The following PITPNB variants were observed in gnomAD, a reference collection of about 807,000 sequenced individuals.
PITPNB encodes the protein phosphatidylinositol transfer protein beta isoform.
Under a neutral mutation model 45.9 loss-of-function variants are expected in PITPNB, and 16 were observed. That is an observed-to-expected ratio of 0.35 (90% CI 0.24 to 0.53). PITPNB has a LOEUF of 0.53. PITPNB is among the 20% of genes least tolerant of loss of function. The pLI is 0.93. For synonymous variants in PITPNB, 112 were observed against 108.9 expected, an observed-to-expected ratio of 1.03 and a Z score of -0.18; for missense variants, 188 against 330.5, an observed-to-expected ratio of 0.57 and a Z score of 3.34.
intron 7 of PITPNB, 24 bp downstream of exon 7, chr22:27,894,531 T>C (rs745989777): frequency 8.2e-7 from 1 of 1,215,018 alleles, no homozygotes; most frequent in Non-Finnish European, 1.2e-6. Context: ...GGGAACAGAT[T>C]AAATGTCATT....
Position 27,853,524 on chromosome 22 carries a change from C to T in PITPNB, c.*178G>A, listed in dbSNP as rs1385597774. 13 of 976,888 alleles carry T rather than the reference C, an allele frequency of 1.3e-5. No homozygotes were observed. The highest frequency in any genetic ancestry group is 2.0e-4 in the Middle Eastern group (1 of 4,888). The allele number at this position is 976,888 out of a possible 1,614,324, so 60.5% of individuals were successfully genotyped here. A position where few individuals can be genotyped will look rare whatever the true frequency, so the allele number is the denominator to read the frequency against. The stretch of plus-strand genomic sequence containing the variant: ...ATATGCACACATACATATATACACA[C>T]GTGGTTGAGAACCTGTGCATGTGTG... On this transcript the variant is annotated 3_prime_UTR_variant, in exon 12 of 12. Coordinates refer to ENST00000335272, the MANE Select transcript of PITPNB (RefSeq NM_012399.5).
At chr22:27,917,300 CTG>C (rs1462167963) in intron 1 of PITPNB, among the ~76,000 whole-genome samples, 1 of 152,228 alleles carries the variant, frequency 6.6e-6, no homozygotes. Flanking sequence ...CTACTGAATA[CTG>C]TGTGTCTGTA....
intron 2 of PITPNB, among the ~76,000 whole-genome samples, chr22:27,913,196 C>CT (rs1935982161): frequency 6.6e-6 from 1 of 152,184 alleles, no homozygotes; most frequent in African/African-American, 2.4e-5. Context: ...CCTAGCTTCT[C>CT]TGGAGTGTTT....
At chr22:27,887,099 AT>A (rs200456922) in intron 7 of PITPNB, among the ~76,000 whole-genome samples, 2,568 of 152,268 alleles carry the variant, frequency 0.017, 38 homozygotes, top group African/African-American at 0.039. Context: ...AAATCATGAA[AT>A]TTTAAATTGG....
Position 27,859,144 on chromosome 22 carries a change from T to C in PITPNB, c.646-635A>G, listed in dbSNP as rs1450051680. ...GAACAGTAAGTACTTCTGGACAATA[T>C]TCAACTTAAAAATCTTCTTCCATGA... On this transcript the variant is annotated intron_variant, in intron 9 of 11. Coordinates refer to ENST00000335272, the MANE Select transcript of PITPNB (RefSeq NM_012399.5). Among the ~76,000 whole-genome samples, 5 of 152,302 alleles carry C rather than the reference T, an allele frequency of 3.3e-5. No individual in the cohort carries two copies. In the South Asian group the frequency reaches 1.0e-3, roughly 32 times the overall value.
At chr22:27,860,003 A>G (rs1403629691) in intron 9 of PITPNB, 128 bp downstream of exon 9, 1 of 597,960 alleles carries the variant, frequency 1.7e-6, no homozygotes, top group African/African-American at 1.8e-5. Context: ...GCTGAAATGA[A>G]TTATGTAGGG....
At chr22:27,881,427 A>C (rs1934969004) in intron 7 of PITPNB, among the ~76,000 whole-genome samples, 1 of 152,234 alleles carries the variant, frequency 6.6e-6, no homozygotes, top group Non-Finnish European at 1.5e-5. Flanking sequence ...CACACACCCT[A>C]GTGATAAGTA....
intron 11 of PITPNB, 70 bp from the exon 12 acceptor site, chr22:27,853,733 A>T (rs1934092172): frequency 1.9e-6 from 2 of 1,052,086 alleles, no homozygotes; most frequent in Middle Eastern, 2.0e-4. Context: ...GCAGCTCGTC[A>T]CACACACTCT....
At chr22:27,861,329 A>G (rs978462513) in intron 8 of PITPNB, among the ~76,000 whole-genome samples, 4 of 152,014 alleles carry the variant, frequency 2.6e-5, no homozygotes, top group African/African-American at 4.8e-5. Flanking sequence ...AGACATAAAT[A>G]AACTGGGGTG....
At position 27,853,138 on chromosome 22, in the gene PITPNB, A is replaced by C. The variant is rs2146340629; in HGVS notation, c.*564T>G. The C allele has an allele frequency of 6.5e-6, 1 of 153,146 alleles. No individual in the cohort carries two copies. The highest frequency in any genetic ancestry group is 1.9e-4 in the East Asian group (1 of 5,192). 9.5% of individuals were successfully genotyped at this position (153,146 alleles called of 1,614,324 possible). A position where few individuals can be genotyped will look rare whatever the true frequency, so the allele number is the denominator to read the frequency against. On this transcript the variant is annotated 3_prime_UTR_variant, in exon 12 of 12. Transcript: ENST00000335272. ...TTGGAACACCAAAAAATTTTGAAGA[A>C]ATTTTCTGTGGGAGTCTACTGCTTA...
chr22:27,913,229 A>T (rs1012403131), intron 2 of PITPNB, among the ~76,000 whole-genome samples: 11 of 152,288 alleles, frequency 7.2e-5, no homozygotes, highest in Non-Finnish European at 1.5e-4. Flanking sequence ...TCCTCCTGAG[A>T]TATAAACAAC....
intron 7 of PITPNB, among the ~76,000 whole-genome samples, chr22:27,889,499 AGT>A (rs1326312904): frequency 2.0e-5 from 3 of 152,218 alleles, no homozygotes; most frequent in African/African-American, 7.2e-5. Context: ...CAGAGCAACG[AGT>A]GTAAGAGGAA....
intron 7 of PITPNB, among the ~76,000 whole-genome samples, chr22:27,892,784 G>A (rs562747029): frequency 1.4e-4 from 22 of 152,134 alleles, no homozygotes; most frequent in Non-Finnish European, 3.1e-4. Flanking sequence ...AAACAACTTC[G>A]AATCACAGCA....
chr22:27,888,910 A>C (rs1162975063), intron 7 of PITPNB, among the ~76,000 whole-genome samples: 1 of 152,232 alleles, frequency 6.6e-6, no homozygotes, highest in Non-Finnish European at 1.5e-5. Flanking sequence ...CTGCCCTGGC[A>C]AGGCCTGAGC....
intron 8 of PITPNB, among the ~76,000 whole-genome samples, chr22:27,867,576 C>T (rs948670595): frequency 1.3e-5 from 2 of 152,120 alleles, no homozygotes; most frequent in Admixed American, 6.5e-5. Flanking sequence ...ATGGCTCACA[C>T]CCATTTTACT....
intron 2 of PITPNB, among the ~76,000 whole-genome samples, chr22:27,912,394 A>G (rs1218551674): frequency 6.6e-6 from 1 of 152,230 alleles, no homozygotes; most frequent in Admixed American, 6.5e-5. Flanking sequence ...TTGGCTTTCC[A>G]TGATACAACA....
intron 3 of PITPNB, among the ~76,000 whole-genome samples, chr22:27,898,926 T>A (rs895379535): frequency 2.6e-4 from 39 of 152,348 alleles, no homozygotes; most frequent in African/African-American, 8.9e-4. Flanking sequence ...CTTAACAGTC[T>A]TCAAATAAAT....
rs200150405 is a variant in PITPNB at position 27,910,177 on chromosome 22, CTT to C, written c.197+785_197+786del. On this transcript the variant is annotated intron_variant, in intron 3 of 11. Coordinates refer to ENST00000335272, the MANE Select transcript of PITPNB (RefSeq NM_012399.5). ...ATGCTGACCAGGGTGGTCTCGATCTCTTGACCTCGTAATCTGCCCGCCTCAGC... is the reference window on the plus strand; with the variant it reads ...ATGCTGACCAGGGTGGTCTCGATCTCGACCTCGTAATCTGCCCGCCTCAGC... 1.8e-3 allele frequency among the ~76,000 whole-genome samples: 267 copies of C among 152,148 alleles called. 2 individuals are homozygous for C. The highest frequency in any genetic ancestry group is 0.014 in the Middle Eastern group (4 of 294).
intron 1 of PITPNB, among the ~76,000 whole-genome samples, chr22:27,915,617 G>A (rs975169234): frequency 6.6e-6 from 1 of 151,890 alleles, no homozygotes; most frequent in African/African-American, 2.4e-5. Flanking sequence ...TTGTCTTTCT[G>A]GTAACGGTGA....
Sources: allele counts gnomAD v4.1 joint callset (sites outside exome capture counted in the v4.1 genomes callset), GRCh38; gene constraint gnomAD v4.1.1; transcripts MANE v1.5; gene names NCBI Gene and HGNC (gene_info 2026-07-23, HGNC 2026-07-21).